Variants in TSC22D4 observed in about 807,000 individuals in gnomAD.
TSC22D4 encodes TSC22 domain family protein 4.
Under a neutral mutation model 24.9 loss-of-function variants are expected in TSC22D4, and 5 were observed. The observed-to-expected ratio is 0.20, with a 90% CI of 0.10 to 0.42. The LOEUF is 0.42. Ranked by LOEUF, TSC22D4 falls within the 10% of genes least tolerant of loss-of-function variation. The pLI is 1.00. For missense variants in TSC22D4, 469 were observed against 547.9 expected (o/e 0.86, Z 1.44); for synonymous variants, 245 against 243.2 (o/e 1.01, Z -0.07).
In TSC22D4 at chr7:100,466,677, ACTCCCC is replaced by A. The variant is rs1799282356; in HGVS notation, c.*276_*281del. Reference sequence around the variant, plus strand: ...TGGGGTGTCTGCCGGGGAGCCTCCGACTCCCCCAAGCCGTCTACTGCTGGGGGGTCC... The same window carrying A: ...TGGGGTGTCTGCCGGGGAGCCTCCGACAAGCCGTCTACTGCTGGGGGGTCC... On this transcript the variant is annotated 3_prime_UTR_variant, in exon 5 of 5. Transcript: ENST00000300181. The A allele has an allele frequency of 2.2e-6, 1 of 457,768 alleles. No homozygotes were observed. The highest frequency in any genetic ancestry group is 3.9e-6 in the Non-Finnish European group (1 of 258,062). The allele number at this position is 457,768 out of a possible 1,614,324, so 28.4% of individuals were successfully genotyped here.
In TSC22D4 at chr7:100,477,789, G is replaced by C; in HGVS notation, c.250C>G (p.Pro84Ala). The stretch of plus-strand genomic sequence containing the variant: ...CACGTCCAGCGACCGCGGCGATAAG[G>C]CTCTCCCAGGCCGTGGGGCAGCTTC... ...VVKLPHGLGEPYRRGRWTCVD... is the reference protein window; with the variant it reads ...VVKLPHGLGEAYRRGRWTCVD... The change falls in exon 2 of 5, where the codon CCT becomes GCT. Residue 84 changes from proline to alanine, a missense_variant. By Grantham distance (27) the Pro-to-Ala change is conservative (BLOSUM62 -1). Transcript: ENST00000300181. The surrounding 1 kb of genome is among the most constrained non-coding windows in gnomAD (Gnocchi z 7.8). The C allele has an allele frequency of 6.2e-7, 1 of 1,607,054 alleles. No homozygotes were observed. Among genetic ancestry groups the C allele is most frequent in the South Asian group, 1.1e-5 (1 of 90,964 alleles).
In TSC22D4 at chr7:100,477,535, C is replaced by G; in HGVS notation, c.504G>C (p.Gly168=). 1 of 1,560,960 alleles carries G rather than the reference C, an allele frequency of 6.4e-7. No individual in the cohort carries two copies. The highest frequency in any genetic ancestry group is 8.7e-7 in the Non-Finnish European group (1 of 1,153,958). The part of the protein sequence containing the change: ...SPGPQARSFT[G]GLGQLVVPSK... ...TGGGCACCACCAGCTGGCCCAGTCC[C>G]CCAGTGAAGGAGCGGGCCTGAGGTC... is the stretch of plus-strand genomic sequence containing the variant. The change falls in exon 2 of 5, where the codon GGG becomes GGC. Residue 168 remains glycine, a synonymous_variant. Transcript: ENST00000300181. This position sits in a 1 kb window ranked among gnomAD's most constrained non-coding sequence, Gnocchi z 7.8.
chr7:100,467,205 G>GGGTGCCTCATCCCCTGCCC (rs1799297273), intron 4 of TSC22D4, 37 bp from the exon 5 acceptor site: 2 of 1,602,898 alleles, frequency 1.2e-6, no homozygotes, highest in East Asian at 4.5e-5. Context: ...TCAACGGGGT[G>GGGTGCCTCATCCCCTGCCC]GGTGCCTCAT....
In TSC22D4 at chr7:100,467,134, C is replaced by T. The variant is rs773665153; in HGVS notation, c.1013G>A (p.Arg338Gln). ...CTCCTTCAGCACCTCCACCTCCTCC[C>T]GGACCGCAAACATGAGGTGGGACTT... is the stretch of plus-strand genomic sequence containing the variant. ...LVKSHLMFAV[R>Q]EEVEVLKEQI... The change falls in exon 5 of 5, where the codon CGG (arginine) becomes CAG (glutamine). Residue 338 changes from arginine (R) to glutamine (Q), a missense_variant. Physicochemically the swap from Arg to Gln is conservative, Grantham distance 43. Transcript: ENST00000300181. The T allele has an allele frequency of 3.1e-6, 5 of 1,614,154 alleles. No homozygotes were observed. The highest frequency in any genetic ancestry group is 1.7e-5 in the Admixed American group (1 of 60,026).
chr7:100,478,032 C>G lies in TSC22D4; in HGVS notation c.7G>C (p.Gly3Arg), dbSNP rs1294349221. 1.9e-6 allele frequency: 3 copies of G among 1,592,026 alleles called. No individual in the cohort carries two copies. The highest frequency in any genetic ancestry group is 2.3e-5 in the East Asian group (1 of 44,170). The change falls in exon 2 of 5, where the codon GGG becomes CGG. Residue 3 changes from glycine to arginine, a missense_variant. Physicochemically the swap from Gly to Arg is moderately radical, Grantham distance 125. Transcript: ENST00000300181. ...TGGAAACTACTCTTCTTCTTGCCCCCGCTCATGGTCCCTGGGGCTCAGGGC... is the reference window on the plus strand; with the variant it reads ...TGGAAACTACTCTTCTTCTTGCCCCGGCTCATGGTCCCTGGGGCTCAGGGC... The part of the protein sequence containing the change: MS[G>R]GKKKSSFQIT...
intron 3 of TSC22D4, chr7:100,468,098 A>G (rs1799323287): frequency 2.7e-6 from 1 of 366,506 alleles, no homozygotes; most frequent in Admixed American, 4.0e-5. Context: ...GGCCTGAAAG[A>G]TATACACCAC....
At chr7:100,478,350 AGT>A (rs35439211) in intron 1 of TSC22D4, 43 bp from the exon 2 acceptor site, 2,813 of 83,396 alleles carry the variant, frequency 0.034, 45 homozygotes, top group African/African-American at 0.053. Context: ...AGAGAGAGAG[AGT>A]GTGTGTGTGT....
chr7:100,477,743 TCTCG>T lies in TSC22D4; in HGVS notation c.292_295del (p.Arg98ThrfsTer118), dbSNP rs768279537. 6.2e-7 allele frequency: 1 copy of T among 1,603,354 alleles called. No homozygotes were observed. Among genetic ancestry groups the T allele is most frequent in the Non-Finnish European group, 8.5e-7 (1 of 1,179,696 alleles). ...TCCGCCGAAGCTGTGGGGCTCCAGGTCTCGCTCATAAACATCCACACACGTCCAG... is the reference window on the plus strand; with the variant it reads ...TCCGCCGAAGCTGTGGGGCTCCAGGTCTCATAAACATCCACACACGTCCAG... On this transcript the variant is annotated frameshift_variant, in exon 2 of 5. Transcript: ENST00000300181. LOFTEE classifies it high-confidence loss of function. This position sits in a 1 kb window ranked among gnomAD's most constrained non-coding sequence, Gnocchi z 7.8.
At position 100,477,956 on chromosome 7, in the gene TSC22D4, G is replaced by A. The variant is rs749380638; in HGVS notation, c.83C>T (p.Ser28Leu). The A allele has an allele frequency of 1.2e-4, 193 of 1,562,978 alleles. No homozygotes were observed. The highest frequency in any genetic ancestry group is 4.5e-4 in the Middle Eastern group (2 of 4,412). ...DYEGPGSPGA[S>L]DPPTPQPPTG... ...TGGGGGCTGTGGGGTAGGGGGATCC[G>A]AAGCCCCTGGGCTCCCAGGGCCCTC... Residue 28 changes from serine to leucine, a missense_variant, in exon 2 of 5, where the codon TCG (serine) becomes TTG (leucine). Ser to Leu is a moderately radical substitution (Grantham distance 145). Transcript: ENST00000300181. This position sits in a 1 kb window ranked among gnomAD's most constrained non-coding sequence, Gnocchi z 7.8.
rs761581709 is a variant in TSC22D4, at chr7:100,474,258, C to A, written c.929+16G>T. ...ACCTGAACCCCACGCCCCACCACCC[C>A]ACGAAGCCCACCTACCTATCATCGT... is the stretch of plus-strand genomic sequence containing the variant. On this transcript the variant is annotated intron_variant, in intron 3 of 4. Transcript: ENST00000300181. This position sits in a 1 kb window ranked among gnomAD's most constrained non-coding sequence, Gnocchi z 4.3. 5.6e-5 allele frequency: 90 copies of A among 1,611,810 alleles called. No homozygotes were observed. The highest frequency in any genetic ancestry group is 7.1e-5 in the Non-Finnish European group (84 of 1,178,348).
At chr7:100,475,145 G>A (rs781171255) in intron 2 of TSC22D4, among the ~76,000 whole-genome samples, 25 of 152,236 alleles carry the variant, frequency 1.6e-4, no homozygotes, top group Admixed American at 9.8e-4. Flanking sequence ...GTGCAGTGAC[G>A]TGATCTTGGC....
intron 3 of TSC22D4, 181 bp from the exon 4 acceptor site, chr7:100,467,781 G>A: frequency 1.4e-6 from 1 of 716,434 alleles, no homozygotes; most frequent in Non-Finnish European, 2.5e-6. Context: ...CCAGGCCCCG[G>A]TGGGGCGGGG....
Position 100,466,897 on chromosome 7 carries a change from G to T in TSC22D4, c.*62C>A, listed in dbSNP as rs561504172. Reference sequence around the variant, plus strand: ...GGGACATTAAAGCTGCATAGGAAGAGGGGGCAGGCGGCTGACGCAAGGCCG... The same window carrying T: ...GGGACATTAAAGCTGCATAGGAAGATGGGGCAGGCGGCTGACGCAAGGCCG... On this transcript the variant is annotated 3_prime_UTR_variant, in exon 5 of 5. Coordinates refer to ENST00000300181, the MANE Select transcript of TSC22D4 (RefSeq NM_030935.5). 6 of 1,432,074 alleles carry T rather than the reference G, an allele frequency of 4.2e-6. No individual in the cohort carries two copies. In the African/African-American group the frequency reaches 8.6e-5, roughly 20 times the overall value. 88.7% of individuals were successfully genotyped at this position (1,432,074 alleles called of 1,614,324 possible).
At position 100,478,322 on chromosome 7, in the gene TSC22D4, GGAGA is replaced by G. The variant is rs1312638659; in HGVS notation, c.-269-19_-269-16del. The G allele has an allele frequency of 7.4e-4, 147 of 199,848 alleles. No homozygotes were observed. The highest frequency in any genetic ancestry group is 2.7e-3 in the South Asian group (51 of 18,968). 12.4% of individuals were successfully genotyped at this position (199,848 alleles called of 1,614,324 possible). A position where few individuals can be genotyped will look rare whatever the true frequency, so the allele number is the denominator to read the frequency against. On this transcript the variant is annotated splice_polypyrimidine_tract_variant and intron_variant, in intron 1 of 4. Transcript: ENST00000300181. ...GAGTTTGCAAACTGGAAAAAGAGGGGGAGAGAGAGAGAGAGAGAGAGAGAGAGAG... is the reference window on the plus strand; with the variant it reads ...GAGTTTGCAAACTGGAAAAAGAGGGGGAGAGAGAGAGAGAGAGAGAGAGAG...
Position 100,474,121 on chromosome 7 carries a change from G to A in TSC22D4, c.929+153C>T, listed in dbSNP as rs925308503. ...GGAGTGGGTCCGAAATCAACTGTGT[G>A]CAGTGGCTATGCCCAGGCCAGGTTT... On this transcript the variant is annotated intron_variant, in intron 3 of 4. Transcript: ENST00000300181. This position sits in a 1 kb window ranked among gnomAD's most constrained non-coding sequence, Gnocchi z 4.3. The A allele has an allele frequency of 3.2e-6, 3 of 929,318 alleles. No individual in the cohort carries two copies. The highest frequency in any genetic ancestry group is 1.7e-5 in the African/African-American group (1 of 60,372). 57.6% of individuals were successfully genotyped at this position (929,318 alleles called of 1,614,324 possible).
At chr7:100,478,377 G>GTGTGTGTGTGTGTA in intron 1 of TSC22D4, 70 bp from the exon 2 acceptor site, 1 of 269,380 alleles carries the variant, frequency 3.7e-6, no homozygotes, top group Admixed American at 4.9e-5. Context: ...GTGTGTGTGT[G>GTGTGTGTGTGTGTA]TGTGTGTGTG....
intron 3 of TSC22D4, chr7:100,468,075 C>A (rs890289796): frequency 2.3e-5 from 9 of 399,148 alleles, no homozygotes; most frequent in Non-Finnish European, 4.6e-5. Context: ...GGAGACAGTG[C>A]CTCGGGGGTG....
intron 4 of TSC22D4, 89 bp downstream of exon 4, chr7:100,467,463 T>C (rs1046456640): frequency 2.1e-5 from 30 of 1,401,988 alleles, no homozygotes; most frequent in Non-Finnish European, 3.0e-5. Flanking sequence ...TGGGAGTTGG[T>C]GTTCCCTGGT....
chr7:100,468,524 G>A (rs1252108921), intron 3 of TSC22D4, among the ~76,000 whole-genome samples: 1 of 152,150 alleles, frequency 6.6e-6, no homozygotes, highest in Admixed American at 6.5e-5. Flanking sequence ...ACCCCACAAG[G>A]CTCACATCAT....
Sources: gnomAD v4.1 joint callset for allele counts (sites outside exome capture counted in the v4.1 genomes callset) on GRCh38, gnomAD v4.1.1 for gene constraint, Gnocchi (gnomAD v3.1) non-coding constraint, MANE v1.5 for transcripts, NCBI Gene and HGNC (gene_info 2026-07-23, HGNC 2026-07-21) for gene names.